The following SHC4 variants were observed in gnomAD, a reference collection of about 807,000 sequenced individuals.
SHC4 encodes SHC-transforming protein 4.
A neutral mutation model predicts 69.4 loss-of-function variants in SHC4; 41 were observed. That is an observed-to-expected ratio of 0.59 (90% confidence interval 0.46 to 0.77). The LOEUF (loss-of-function observed/expected upper bound fraction) is 0.77, where lower values mean the gene tolerates loss of function less well. SHC4 is among the 30% of genes least tolerant of loss of function. The probability of loss-of-function intolerance (pLI) is 0.00; values close to 1 mark genes in which losing one functional copy is unlikely to be tolerated. For synonymous variants in SHC4, 318 were observed against 299.3 expected (o/e 1.06, Z -0.64); for missense variants, 777 against 783.8 (o/e 0.99, Z 0.10).
intron 2 of SHC4, among the ~76,000 whole-genome samples, chr15:48,891,889 C>T (rs911880066): frequency 6.6e-6 from 1 of 152,096 alleles, no homozygotes; most frequent in Non-Finnish European, 1.5e-5. Flanking sequence ...GAGTCTCGCT[C>T]TGTCGCCCAG....
intron 1 of SHC4, among the ~76,000 whole-genome samples, chr15:48,944,851 C>A (rs1391057045): frequency 6.6e-6 from 1 of 152,130 alleles, no homozygotes; most frequent in Non-Finnish European, 1.5e-5. Context: ...GCAAAAGTAA[C>A]GTTTTAATCC....
chr15:48,949,583 C>T (rs1237018525), intron 1 of SHC4, among the ~76,000 whole-genome samples: 1 of 152,006 alleles, frequency 6.6e-6, no homozygotes, highest in Non-Finnish European at 1.5e-5. Context: ...CATGCCTCTG[C>T]TCAGACACCT....
intron 2 of SHC4, among the ~76,000 whole-genome samples, chr15:48,896,811 G>A (rs1398320869): frequency 6.6e-6 from 1 of 152,230 alleles, no homozygotes; most frequent in Non-Finnish European, 1.5e-5. Context: ...AGGACAGGCA[G>A]ATAGATGCCT....
chr15:48,920,872 C>A (rs542163490), intron 2 of SHC4, among the ~76,000 whole-genome samples: 1 of 151,094 alleles, frequency 6.6e-6, no homozygotes, highest in South Asian at 2.1e-4. Flanking sequence ...TCCCATGAGC[C>A]CAGAAGTTAA....
intron 1 of SHC4, chr15:48,946,077 T>C (rs1366773259): frequency 6.6e-6 from 1 of 152,228 alleles, no homozygotes; most frequent in African/African-American, 2.4e-5. Context: ...AAAAAGTCAA[T>C]GATTGCCTAG....
rs75565326 is a variant in SHC4, at chr15:48,925,015, C to A, written c.586-66G>T. 2,133 of 1,537,624 alleles carry A rather than the reference C, an allele frequency of 1.4e-3. 27 individuals are homozygous for A. In the African/African-American group the frequency reaches 0.026, roughly 19 times the overall value. On this transcript the variant is annotated intron_variant, in intron 1 of 11. Coordinates refer to ENST00000332408, the MANE Select transcript of SHC4 (RefSeq NM_203349.4). ...TCCAAGAAGCTGTCTCTTAGCTTCA[C>A]GGCAACTTCCTGGGAAGCACCTAAA...
At chr15:48,888,329 G>A (rs1200649338) in intron 3 of SHC4, among the ~76,000 whole-genome samples, 2 of 152,146 alleles carry the variant, frequency 1.3e-5, no homozygotes, top group African/African-American at 4.8e-5. Context: ...GATGAACCTT[G>A]AGGACATTAT....
chr15:48,905,339 C>G (rs1900389458), intron 2 of SHC4, among the ~76,000 whole-genome samples: 1 of 152,160 alleles, frequency 6.6e-6, no homozygotes, highest in South Asian at 2.1e-4. Flanking sequence ...TGTGGTTGCT[C>G]CACTGAAAAA....
At chr15:48,957,313 A>G (rs1325169204) in intron 1 of SHC4, among the ~76,000 whole-genome samples, 1 of 152,088 alleles carries the variant, frequency 6.6e-6, no homozygotes, top group Non-Finnish European at 1.5e-5. Context: ...TGAGGCCCAC[A>G]GAGGTGAAGT....
intron 4 of SHC4, among the ~76,000 whole-genome samples, chr15:48,874,156 A>G (rs1899748807): frequency 1.3e-5 from 2 of 152,228 alleles, no homozygotes; most frequent in Admixed American, 1.3e-4. Context: ...AAGAAGAGTT[A>G]GCGCAGTTTT....
At chr15:48,887,732 G>A (rs958456106) in intron 3 of SHC4, among the ~76,000 whole-genome samples, 30 of 152,126 alleles carry the variant, frequency 2.0e-4, no homozygotes, top group Non-Finnish European at 3.1e-4. Context: ...CCAAAAGATC[G>A]ACAAAACTGA....
chr15:48,843,321 C>A, intron 10 of SHC4, 88 bp downstream of exon 10: 1 of 1,376,486 alleles, frequency 7.3e-7, no homozygotes, highest in Non-Finnish European at 1.0e-6. Context: ...CTTCTGGCCT[C>A]CAGAACTGTG....
chr15:48,910,667 T>G (rs1900492234), intron 2 of SHC4, among the ~76,000 whole-genome samples: 1 of 152,160 alleles, frequency 6.6e-6, no homozygotes, highest in Non-Finnish European at 1.5e-5. Flanking sequence ...ATTGTCTGTT[T>G]GTGCTCTTTC....
chr15:48,925,567 T>G (rs1460833415), intron 1 of SHC4, among the ~76,000 whole-genome samples: 4 of 152,208 alleles, frequency 2.6e-5, no homozygotes, highest in Non-Finnish European at 5.9e-5. Flanking sequence ...ATTTAAATAT[T>G]AAGGGGGTTC....
chr15:48,890,524 C>T (rs1232236012), intron 3 of SHC4, among the ~76,000 whole-genome samples: 1 of 152,168 alleles, frequency 6.6e-6, no homozygotes, highest in Admixed American at 6.5e-5. Flanking sequence ...AAGCCCAGGG[C>T]TTTCTCCCCT....
At chr15:48,836,373 C>T (rs1307293965) in intron 10 of SHC4, among the ~76,000 whole-genome samples, 2 of 152,218 alleles carry the variant, frequency 1.3e-5, no homozygotes, top group East Asian at 3.9e-4. Context: ...TTTAGTAGTA[C>T]CCACAGAGGT....
At chr15:48,854,100 A>G (rs2140981453) in intron 8 of SHC4, among the ~76,000 whole-genome samples, 1 of 152,324 alleles carries the variant, frequency 6.6e-6, no homozygotes, top group Admixed American at 6.5e-5. Context: ...AATATGTAGA[A>G]TCTATAAGAA....
At chr15:48,928,880 T>C (rs555871233) in intron 1 of SHC4, among the ~76,000 whole-genome samples, 1 of 152,150 alleles carries the variant, frequency 6.6e-6, no homozygotes, top group South Asian at 2.1e-4. Context: ...ACAAGCAAAT[T>C]AACAAGTAAA....
intron 1 of SHC4, among the ~76,000 whole-genome samples, chr15:48,944,832 T>C (rs949961667): frequency 2.0e-5 from 3 of 152,198 alleles, no homozygotes; most frequent in Non-Finnish European, 4.4e-5. Flanking sequence ...TAGGCTTTCC[T>C]ATATGTCAGC....
Sources: gnomAD v4.1 joint callset for allele counts (sites outside exome capture counted in the v4.1 genomes callset) on GRCh38, gnomAD v4.1.1 for gene constraint, MANE v1.5 for transcripts, NCBI Gene and HGNC (gene_info 2026-07-23, HGNC 2026-07-21) for gene names.